TSNARE1: variants seen among roughly 807,000 people sequenced by gnomAD.
TSNARE1 encodes t-SNARE domain containing 1.
In TSNARE1, 49 loss-of-function variants were observed where a neutral mutation model predicts 62.0. That is an observed-to-expected ratio of 0.79 (90% confidence interval 0.63 to 1.00). The LOEUF (loss-of-function observed/expected upper bound fraction) is 1.00. Ranked by LOEUF, TSNARE1 falls within the 50% of genes least tolerant of loss-of-function variation. The probability of loss-of-function intolerance (pLI) is 0.00; values close to 1 mark genes in which losing one functional copy is unlikely to be tolerated. For synonymous variants in TSNARE1, 328 were observed against 294.4 expected (o/e 1.11, Z -1.17); for missense variants, 755 against 700.1 (o/e 1.08, Z -0.88).
rs544058883 is a variant in TSNARE1, at chr8:142,364,005, C to CTT, written c.-39-9243_-39-9242insAA. On this transcript the variant is annotated intron_variant, in intron 1 of 13. Coordinates refer to ENST00000524325, the MANE Select transcript of TSNARE1 (RefSeq NM_145003.5). Reference sequence around the variant, plus strand: ...AAGAGTCACCTGTACCAGGAATTCTCTAACTGAAACCTCAATTTTTAAAAG... The same window carrying CTT: ...AAGAGTCACCTGTACCAGGAATTCTCTTTAACTGAAACCTCAATTTTTAAAAG... Among the ~76,000 whole-genome samples, 4 of 152,336 alleles carry CTT rather than the reference C, an allele frequency of 2.6e-5. No individual in the cohort carries two copies. In the South Asian group the frequency reaches 8.3e-4, roughly 32 times the overall value.
intron 4 of TSNARE1, among the ~76,000 whole-genome samples, chr8:142,342,013 A>G (rs550107880): frequency 1.2e-3 from 186 of 152,300 alleles, no homozygotes; most frequent in Non-Finnish European, 2.2e-3. Context: ...GGCTGACCCC[A>G]CTGCTGGGGC....
At chr8:142,367,001 G>GA in intron 1 of TSNARE1, among the ~76,000 whole-genome samples, 1 of 152,036 alleles carries the variant, frequency 6.6e-6, no homozygotes, top group Non-Finnish European at 1.5e-5. Context: ...GCCATGGTAG[G>GA]AAAAAACCCA....
chr8:142,391,543 C>T (rs1290893174), intron 1 of TSNARE1, among the ~76,000 whole-genome samples: 1 of 152,244 alleles, frequency 6.6e-6, no homozygotes. Flanking sequence ...CCTAGAAACT[C>T]CTTGAGCCAG....
intron 1 of TSNARE1, among the ~76,000 whole-genome samples, chr8:142,387,626 CATGA>C (rs1837200199): frequency 6.6e-6 from 1 of 151,926 alleles, no homozygotes; most frequent in South Asian, 2.1e-4. Context: ...CTCAAGCCTA[CATGA>C]ATAAATTTGA....
intron 13 of TSNARE1, among the ~76,000 whole-genome samples, chr8:142,222,777 CACT>C (rs1816446754): frequency 9.8e-6 from 1 of 101,820 alleles, no homozygotes; most frequent in Non-Finnish European, 2.2e-5. Context: ...TTCACTCATC[CACT>C]CACTCACTCA....
At position 142,322,446 on chromosome 8, in the gene TSNARE1, C is replaced by G. The variant is rs190596170; in HGVS notation, c.894-3812G>C. Among the ~76,000 whole-genome samples, 344 of 152,270 alleles carry G rather than the reference C, an allele frequency of 2.3e-3. 1 individual carries two copies. Among genetic ancestry groups the G allele is most frequent in the African/African-American group, 7.8e-3 (326 of 41,542 alleles). ...GAATAAGGGGGAAAGAACTAAGAAG[C>G]ATAAAGATTGAAAATGAAGAGTAAA... On this transcript the variant is annotated intron_variant, in intron 6 of 13. Coordinates refer to ENST00000524325, the MANE Select transcript of TSNARE1 (RefSeq NM_145003.5).
At chr8:142,304,057 A>G (rs2131381459) in intron 9 of TSNARE1, among the ~76,000 whole-genome samples, 1 of 152,316 alleles carries the variant, frequency 6.6e-6, no homozygotes, top group South Asian at 2.1e-4. Context: ...CTTCCTACAC[A>G]CCACCCTGAC....
At position 142,318,632 on chromosome 8, in the gene TSNARE1, T is replaced by G; in HGVS notation, c.896A>C (p.His299Pro). ...SDTQELRDSL[H>P]TAQQETNKTI... The stretch of plus-strand genomic sequence containing the variant: ...CTTGTTGGTCTCCTGCTGTGCCGTG[T>G]GCCTGGGGGCCGAGAAGGAGCCAGG... The change falls in exon 7 of 14, where the codon CAC becomes CCC. Residue 299 changes from histidine (H) to proline (P), a missense_variant and splice_region_variant. His to Pro is a moderately conservative substitution (Grantham distance 77). Transcript: ENST00000524325. 6.2e-7 allele frequency: 1 copy of G among 1,613,434 alleles called. No individual in the cohort carries two copies.
At chr8:142,313,108 CTG>C (rs1414493419) in intron 9 of TSNARE1, among the ~76,000 whole-genome samples, 1 of 151,618 alleles carries the variant, frequency 6.6e-6, no homozygotes, top group African/African-American at 2.4e-5. Flanking sequence ...GTCTGCGTGA[CTG>C]TTTATCCGTG....
chr8:142,299,540 C>A (rs539300249), intron 10 of TSNARE1, among the ~76,000 whole-genome samples: 1 of 152,246 alleles, frequency 6.6e-6, no homozygotes, highest in Non-Finnish European at 1.5e-5. Flanking sequence ...GTCCCCCCCA[C>A]GCTGCCTGAT....
Position 142,319,175 on chromosome 8 carries a change from TACCCC to T in TSNARE1, c.894-546_894-542del, listed in dbSNP as rs1829097320. The stretch of plus-strand genomic sequence containing the variant: ...TTGCTCCGCCGCAACCACCCCCAAA[TACCCC>T]ACAGACAGGAGGCTGAGCCACGAGC... On this transcript the variant is annotated intron_variant, in intron 6 of 13. Transcript: ENST00000524325. This position sits in a 1 kb window ranked among gnomAD's most constrained non-coding sequence, Gnocchi z 4.9. Among the ~76,000 whole-genome samples the T allele has an allele frequency of 6.6e-6, 1 of 151,460 alleles. No homozygotes were observed. Among genetic ancestry groups the T allele is most frequent in the Admixed American group, 6.6e-5 (1 of 15,242 alleles).
chr8:142,284,352 T>TG, intron 11 of TSNARE1, 61 bp downstream of exon 11: 1 of 1,387,696 alleles, frequency 7.2e-7, no homozygotes, highest in Non-Finnish European at 1.0e-6. Context: ...GGGTGAGGGC[T>TG]GGGGGCTGGC....
intron 10 of TSNARE1, among the ~76,000 whole-genome samples, chr8:142,289,485 T>C (rs1823388339): frequency 1.3e-5 from 2 of 151,970 alleles, no homozygotes; most frequent in Non-Finnish European, 1.5e-5. Flanking sequence ...CGGAACCAAC[T>C]GAGAGGGCTG....
Position 142,248,333 on chromosome 8 carries a change from G to C in TSNARE1, c.1447-18754C>G, listed in dbSNP as rs561456899. On this transcript the variant is annotated intron_variant, in intron 12 of 13. Coordinates refer to ENST00000524325, the MANE Select transcript of TSNARE1 (RefSeq NM_145003.5). ...CCAAGTTCAGAAGAGGGCTCTGAGAGCACCAACATGGCAGCTCCAGGATGC... is the reference window on the plus strand; with the variant it reads ...CCAAGTTCAGAAGAGGGCTCTGAGACCACCAACATGGCAGCTCCAGGATGC... 2.6e-5 allele frequency among the ~76,000 whole-genome samples: 4 copies of C among 152,372 alleles called. No individual in the cohort carries two copies. The East Asian group carries it at 7.7e-4, about 29-fold the overall frequency.
At chr8:142,392,448 C>T (rs1264906928) in intron 1 of TSNARE1, among the ~76,000 whole-genome samples, 2 of 152,298 alleles carry the variant, frequency 1.3e-5, no homozygotes, top group East Asian at 1.9e-4. Flanking sequence ...TGTTAGATGA[C>T]GGGCAGTGTA....
At chr8:142,273,022 T>C (rs1819858121) in intron 12 of TSNARE1, 1 of 985,338 alleles carries the variant, frequency 1.0e-6, no homozygotes, top group African/African-American at 1.7e-5. Flanking sequence ...CAGAGGTGAC[T>C]TCACGGCCGC....
chr8:142,222,767 T>TCATCCACTCACTCAC (rs1563755990), intron 13 of TSNARE1, among the ~76,000 whole-genome samples: 9 of 46,592 alleles, frequency 1.9e-4, no homozygotes, highest in South Asian at 9.7e-4. Flanking sequence ...CACTCACTCA[T>TCATCCACTCACTCAC]TCACTCATCC....
intron 1 of TSNARE1, among the ~76,000 whole-genome samples, chr8:142,364,544 T>C (rs887258843): frequency 2.0e-5 from 3 of 152,128 alleles, no homozygotes; most frequent in Non-Finnish European, 4.4e-5. Flanking sequence ...GCTTCCTAAA[T>C]ACCACTCTTC....
chr8:142,385,830 G>T (rs149098622), intron 1 of TSNARE1, among the ~76,000 whole-genome samples: 1 of 152,310 alleles, frequency 6.6e-6, no homozygotes, highest in Non-Finnish European at 1.5e-5. Flanking sequence ...GCTTAAAACA[G>T]ACAAATTTGC....
Sources: allele counts gnomAD v4.1 joint callset (sites outside exome capture counted in the v4.1 genomes callset), GRCh38; gene constraint gnomAD v4.1.1; non-coding constraint Gnocchi (gnomAD v3.1); transcripts MANE v1.5; gene names NCBI Gene and HGNC (gene_info 2026-07-23, HGNC 2026-07-21).